Variants in PDE1C observed in about 807,000 individuals in gnomAD.
The protein encoded by PDE1C is phosphodiesterase 1C.
Under a neutral mutation model 93.1 loss-of-function variants are expected in PDE1C, and 62 were observed. The ratio of observed to expected loss-of-function variants is 0.67; its 90% CI spans 0.54 to 0.82. The LOEUF (loss-of-function observed/expected upper bound fraction) is 0.82. Ranked by LOEUF, PDE1C falls within the 40% of genes least tolerant of loss-of-function variation. The pLI, the probability that PDE1C is intolerant of heterozygous loss-of-function variation, is 0.00. For missense variants in PDE1C, 742 were observed against 884.6 expected (o/e 0.84, Z 2.04); for synonymous variants, 325 against 310.1 (o/e 1.05, Z -0.50).
At chr7:31,973,696 G>A (rs892792709) in intron 2 of PDE1C, among the ~76,000 whole-genome samples, 1 of 152,128 alleles carries the variant, frequency 6.6e-6, no homozygotes, top group African/African-American at 2.4e-5. Context: ...AACAAACTGA[G>A]ACCCAGAAAG....
intron 2 of PDE1C, among the ~76,000 whole-genome samples, chr7:31,889,891 T>G (rs553349837): frequency 7.2e-5 from 11 of 152,350 alleles, no homozygotes; most frequent in African/African-American, 2.6e-4. Context: ...CTAACAGTCA[T>G]TCTTGGCCTT....
intron 2 of PDE1C, among the ~76,000 whole-genome samples, chr7:32,175,635 T>A (rs951240188): frequency 6.6e-6 from 1 of 152,230 alleles, no homozygotes; most frequent in African/African-American, 2.4e-5. Flanking sequence ...GCTAATTGAT[T>A]TAGACTAGAG....
At chr7:32,390,300 G>T (rs1330546383) in intron 1 of PDE1C, among the ~76,000 whole-genome samples, 2 of 151,940 alleles carry the variant, frequency 1.3e-5, no homozygotes, top group Non-Finnish European at 2.9e-5. Context: ...GATGCATATT[G>T]TACTCCCTAA....
rs1213729279 is a variant in PDE1C, at chr7:31,837,950, A to T, written c.1002T>A (p.Ile334=). 1 of 1,613,042 alleles carries T rather than the reference A, an allele frequency of 6.2e-7. No homozygotes were observed. Among genetic ancestry groups the T allele is most frequent in the Admixed American group, 1.7e-5 (1 of 60,024 alleles). Residue 334 remains isoleucine, a synonymous_variant, in exon 10 of 18, where the codon ATT becomes ATA. Transcript: ENST00000396191. ...ACATATCTGTGGCCATCACCATTTCAATTACCAAGGTTCGAAACTCCCTTT... is the reference window on the plus strand; with the variant it reads ...ACATATCTGTGGCCATCACCATTTCTATTACCAAGGTTCGAAACTCCCTTT... ...DDWREFRTLV[I]EMVMATDMSC...
chr7:31,647,196 T>G, the PDE1C span, among the ~76,000 whole-genome samples: 9 of 152,216 alleles, frequency 5.9e-5, no homozygotes, highest in African/African-American at 2.2e-4. Flanking sequence ...TGCAGCAACA[T>G]CTACTAAGAG....
chr7:31,785,636 A>G (rs1038267074), intron 16 of PDE1C: 5 of 152,206 alleles, frequency 3.3e-5, no homozygotes, highest in African/African-American at 1.2e-4. Flanking sequence ...TAATTCAGAC[A>G]TTCCTGGAGA....
At chr7:32,347,151 T>C (rs1783868196) in intron 1 of PDE1C, among the ~76,000 whole-genome samples, 1 of 152,184 alleles carries the variant, frequency 6.6e-6, no homozygotes. Context: ...CCCACACATC[T>C]AGCCCAGCCA....
At chr7:31,695,143 C>T in the PDE1C span, among the ~76,000 whole-genome samples, 10 of 121,064 alleles carry the variant, frequency 8.3e-5, no homozygotes, top group African/African-American at 3.9e-4. Flanking sequence ...GCAGAGAGAA[C>T]CTATTCTCCC....
the PDE1C span, among the ~76,000 whole-genome samples, chr7:31,732,092 G>C: frequency 1.3e-5 from 2 of 152,366 alleles, no homozygotes; most frequent in African/African-American, 4.8e-5. Flanking sequence ...GCCCCGCACA[G>C]CCCAGATGCG....
intron 13 of PDE1C, 87 bp downstream of exon 13, chr7:31,824,780 A>G (rs530352596): frequency 6.5e-7 from 1 of 1,533,244 alleles, no homozygotes; most frequent in Non-Finnish European, 8.9e-7. Context: ...GCCATTATGA[A>G]ATACCATCCC....
intron 3 of PDE1C, among the ~76,000 whole-genome samples, chr7:32,098,365 C>T (rs200195514): frequency 2.0e-5 from 3 of 151,730 alleles, no homozygotes; most frequent in Non-Finnish European, 2.9e-5. Context: ...ATGACCTTGG[C>T]GAGCCTTTCT....
At chr7:31,806,564 C>T (rs1786853158) in intron 16 of PDE1C, among the ~76,000 whole-genome samples, 1 of 151,928 alleles carries the variant, frequency 6.6e-6, no homozygotes, top group African/African-American at 2.4e-5. Context: ...AGTAGACTTA[C>T]AGAGATAATG....
chr7:31,898,152 T>G (rs771326472), intron 2 of PDE1C, among the ~76,000 whole-genome samples: 1 of 152,050 alleles, frequency 6.6e-6, no homozygotes, highest in African/African-American at 2.4e-5. Flanking sequence ...CACAAATACC[T>G]ATCATTAGAA....
intron 3 of PDE1C, among the ~76,000 whole-genome samples, chr7:32,127,167 C>A (rs976869605): frequency 5.9e-5 from 9 of 152,138 alleles, no homozygotes; most frequent in Non-Finnish European, 1.3e-4. Flanking sequence ...GGGTCTTTAG[C>A]CTGCCAGCCT....
upstream of PDE1C, among the ~76,000 whole-genome samples, chr7:32,302,542 C>A (rs1205105182): frequency 2.0e-5 from 3 of 152,166 alleles, no homozygotes; most frequent in Non-Finnish European, 4.4e-5. Context: ...AAAAAAGAAT[C>A]TGGCAGGATG....
At chr7:32,225,883 C>A (rs1184661997) in intron 1 of PDE1C, among the ~76,000 whole-genome samples, 2 of 152,076 alleles carry the variant, frequency 1.3e-5, no homozygotes, top group Non-Finnish European at 2.9e-5. Context: ...CACAGTGAAA[C>A]CCTGTCTCTA....
intron 3 of PDE1C, among the ~76,000 whole-genome samples, chr7:32,116,233 G>A (rs767721827): frequency 1.3e-5 from 2 of 152,106 alleles, no homozygotes; most frequent in African/African-American, 4.8e-5. Context: ...TTTTATTTCT[G>A]CACCTACAAC....
chr7:31,661,258 G>A, the PDE1C span, among the ~76,000 whole-genome samples: 1 of 152,044 alleles, frequency 6.6e-6, no homozygotes, highest in African/African-American at 2.4e-5. Context: ...CAATTAGAAA[G>A]TGTGTTTCTA....
chr7:31,658,041 TA>T, the PDE1C span, among the ~76,000 whole-genome samples: 1 of 152,168 alleles, frequency 6.6e-6, no homozygotes, highest in African/African-American at 2.4e-5. Context: ...TGAGAAACAA[TA>T]CTTGGAAACT....
Sources: gnomAD v4.1 joint callset for allele counts (sites outside exome capture counted in the v4.1 genomes callset) on GRCh38, gnomAD v4.1.1 for gene constraint, MANE v1.5 for transcripts, NCBI Gene and HGNC (gene_info 2026-07-23, HGNC 2026-07-21) for gene names.